UNC13A: variants seen among roughly 807,000 people sequenced by gnomAD.
UNC13A encodes the protein unc-13 homolog A.
Under a neutral mutation model 219.7 loss-of-function variants are expected in UNC13A, and 61 were observed. The ratio of observed to expected loss-of-function variants is 0.28; its 90% CI spans 0.23 to 0.34. The LOEUF (loss-of-function observed/expected upper bound fraction) is 0.34, where lower values mean the gene tolerates loss of function less well. UNC13A is among the 10% of genes least tolerant of loss of function. The pLI is 1.00. For missense variants in UNC13A, 1,476 were observed against 2,270.3 expected, an observed-to-expected ratio of 0.65 and a Z score of 7.11; for synonymous variants, 920 against 884.6, an observed-to-expected ratio of 1.04 and a Z score of -0.71.
chr19:17,639,587 C>A, intron 23 of UNC13A, 62 bp from the exon 24 acceptor site: 1 of 1,542,558 alleles, frequency 6.5e-7, no homozygotes, highest in Non-Finnish European at 8.8e-7. Context: ...TGGGAGACTG[C>A]TTTTCAGGGG....
At chr19:17,633,723 A>T (rs57798753) in intron 26 of UNC13A, among the ~76,000 whole-genome samples, 24,107 of 151,324 alleles carry the variant, frequency 0.16, 2,393 homozygotes, top group Middle Eastern at 0.24. Flanking sequence ...TCACCTATCC[A>T]TCTATCTATT....
At chr19:17,637,213 G>A (rs773884908) in intron 25 of UNC13A, among the ~76,000 whole-genome samples, 4 of 151,908 alleles carry the variant, frequency 2.6e-5, no homozygotes, top group Non-Finnish European at 5.9e-5. Flanking sequence ...GGCCTCAAGG[G>A]ATCCTCCTGC....
intron 41 of UNC13A, among the ~76,000 whole-genome samples, chr19:17,615,281 C>T (rs10418756): frequency 0.068 from 10,406 of 152,160 alleles, 952 homozygotes; most frequent in African/African-American, 0.21. Context: ...GCCAGGAGTT[C>T]GAGACCAGCC....
chr19:17,606,459 CCA>C, intron 43 of UNC13A, 105 bp from the exon 44 acceptor site: 1 of 1,412,250 alleles, frequency 7.1e-7, no homozygotes, highest in Non-Finnish European at 9.4e-7. Context: ...ACCGGGGTGC[CCA>C]CACCTGTCAC....
intron 35 of UNC13A, among the ~76,000 whole-genome samples, chr19:17,624,305 G>C (rs577826450): frequency 6.6e-6 from 1 of 152,006 alleles, no homozygotes; most frequent in South Asian, 2.1e-4. Flanking sequence ...TTTTAGTAGA[G>C]ACGAGATTTC....
Position 17,648,993 on chromosome 19 carries a change from TC to T in UNC13A, c.1525-11del, listed in dbSNP as rs1413879563. The T allele has an allele frequency of 6.3e-7, 1 of 1,591,832 alleles. No individual in the cohort carries two copies. The highest frequency in any genetic ancestry group is 8.5e-7 in the Non-Finnish European group (1 of 1,171,160). ...TGGACTGGACCAGGGACTGGGGAGG[TC>T]ACAGAAGAGGGAGTCGGGGGGGTTG... is the stretch of plus-strand genomic sequence containing the variant. On this transcript the variant is annotated splice_polypyrimidine_tract_variant and intron_variant, in intron 14 of 43. Coordinates refer to ENST00000519716, the MANE Select transcript of UNC13A (RefSeq NM_001080421.3).
intron 19 of UNC13A, among the ~76,000 whole-genome samples, chr19:17,644,316 G>A (rs1271591607): frequency 2.0e-5 from 3 of 150,656 alleles, no homozygotes; most frequent in African/African-American, 7.3e-5. Context: ...AGCCTCCCAA[G>A]TGGCTGGGAC....
At chr19:17,671,597 C>T (rs1204520903) in intron 4 of UNC13A, among the ~76,000 whole-genome samples, 1 of 151,850 alleles carries the variant, frequency 6.6e-6, no homozygotes, top group East Asian at 1.9e-4. Context: ...ATGGCAAAAC[C>T]CTGTCTCTAT....
At chr19:17,645,874 G>C (rs746862465) in intron 18 of UNC13A, 31 bp from the exon 19 acceptor site, 1 of 1,589,768 alleles carries the variant, frequency 6.3e-7, no homozygotes, top group South Asian at 1.1e-5. Flanking sequence ...AGAGGCAGGG[G>C]TCAGGCAGCC....
At chr19:17,615,177 A>C (rs113236051) in intron 41 of UNC13A, among the ~76,000 whole-genome samples, 3,555 of 152,292 alleles carry the variant, frequency 0.023, 97 homozygotes, top group African/African-American at 0.059. Flanking sequence ...GCAGTTAAAG[A>C]AATCTGTTTC....
chr19:17,610,229 G>T (rs560711300), intron 42 of UNC13A, 130 bp from the exon 43 acceptor site: 9 of 1,247,702 alleles, frequency 7.2e-6, no homozygotes, highest in South Asian at 1.4e-5. Context: ...ACTTCGGGAG[G>T]CCAAGGCGGG....
chr19:17,638,401 G>A (rs1661179143), intron 25 of UNC13A, among the ~76,000 whole-genome samples: 2 of 152,132 alleles, frequency 1.3e-5, no homozygotes, highest in South Asian at 2.1e-4. Flanking sequence ...CTGGGAGGTC[G>A]AGGCTGCAGT....
rs371333210 is a variant in UNC13A at position 17,649,386 on chromosome 19, C to T, written c.1519-42G>A. The stretch of plus-strand genomic sequence containing the variant: ...GCACATGGGGGTAGAAATCAGACTA[C>T]ATTAGTCTCAGAGAATGCCTAGCTG... On this transcript the variant is annotated intron_variant, in intron 13 of 43. Coordinates refer to ENST00000519716, the MANE Select transcript of UNC13A (RefSeq NM_001080421.3). The surrounding 1 kb of genome is among the most constrained non-coding windows in gnomAD (Gnocchi z 4.4). The T allele has an allele frequency of 1.5e-5, 24 of 1,611,170 alleles. No individual in the cohort carries two copies. The African/African-American group carries it at 2.9e-4, about 20-fold the overall frequency.
At chr19:17,651,520 C>A (rs1483168069) in intron 12 of UNC13A, among the ~76,000 whole-genome samples, 3 of 152,234 alleles carry the variant, frequency 2.0e-5, no homozygotes, top group African/African-American at 7.2e-5. Flanking sequence ...GCCACCAAGC[C>A]TGGCCCCGAA....
chr19:17,682,039 G>A (rs1264490208), intron 1 of UNC13A, among the ~76,000 whole-genome samples: 1 of 147,484 alleles, frequency 6.8e-6, no homozygotes, highest in African/African-American at 2.5e-5. Context: ...TGCAACCTCC[G>A]CCTTCGGGGC....
chr19:17,653,722 A>T (rs1021149812), intron 11 of UNC13A, among the ~76,000 whole-genome samples: 2 of 151,376 alleles, frequency 1.3e-5, no homozygotes, highest in Non-Finnish European at 2.9e-5. Context: ...CAAACTCCTG[A>T]GTGCAAGTGA....
chr19:17,629,101 A>G (rs1162871994), intron 31 of UNC13A, 139 bp downstream of exon 31: 2 of 708,958 alleles, frequency 2.8e-6, no homozygotes, highest in East Asian at 5.5e-5. Context: ...AAGCACCTCT[A>G]AACACACAGA....
At position 17,674,011 on chromosome 19, in the gene UNC13A, AAAACAAAC is replaced by A. The variant is rs1229471035; in HGVS notation, c.152+638_152+645del. On this transcript the variant is annotated intron_variant, in intron 3 of 43. Transcript: ENST00000519716. The surrounding 1 kb of genome is among the most constrained non-coding windows in gnomAD (Gnocchi z 5.0). ...GGGCAACAGAGTGAGGCTCTGCCTCAAAACAAACAAACAAACAAACAAAATTGGTGGCA... is the reference window on the plus strand; with the variant it reads ...GGGCAACAGAGTGAGGCTCTGCCTCAAAACAAACAAACAAAATTGGTGGCA... Among the ~76,000 whole-genome samples the A allele has an allele frequency of 6.6e-6, 1 of 152,258 alleles. No homozygotes were observed. The highest frequency in any genetic ancestry group is 1.9e-4 in the East Asian group (1 of 5,206).
intron 3 of UNC13A, among the ~76,000 whole-genome samples, chr19:17,673,373 AG>A (rs2079830098): frequency 6.8e-6 from 1 of 147,954 alleles, no homozygotes; most frequent in Non-Finnish European, 1.5e-5. Flanking sequence ...AAAAAAAAAA[AG>A]TATATATATA....
Sources: allele counts gnomAD v4.1 joint callset (sites outside exome capture counted in the v4.1 genomes callset), GRCh38; gene constraint gnomAD v4.1.1; non-coding constraint Gnocchi (gnomAD v3.1); transcripts MANE v1.5; gene names NCBI Gene and HGNC (gene_info 2026-07-23, HGNC 2026-07-21).